Variants in LTB4R observed in about 807,000 individuals in gnomAD.
The protein encoded by LTB4R is leukotriene B4 receptor.
For synonymous variants in LTB4R, 250 were observed against 230.7 expected (o/e 1.08, Z -0.76); for missense variants, 470 against 485.6 (o/e 0.97, Z 0.30).
chr14:24,316,975 G>C lies in LTB4R; in HGVS notation c.*265G>C, dbSNP rs1445339009. The C allele has an allele frequency of 5.4e-6, 2 of 369,228 alleles. No individual in the cohort carries two copies. Among genetic ancestry groups the C allele is most frequent in the Non-Finnish European group, 1.0e-5 (2 of 196,594 alleles). The allele number at this position is 369,228 out of a possible 1,614,324, so 22.9% of individuals were successfully genotyped here. A position where few individuals can be genotyped will look rare whatever the true frequency, so the allele number is the denominator to read the frequency against. ...TGTGAGTGGGGTACATGTGCTGTGG[G>C]TATCGGGGTGCTCGTGGGCGCCCTG... On this transcript the variant is annotated 3_prime_UTR_variant, in exon 2 of 2. Transcript: ENST00000345363.
chr14:24,316,308 C>G lies in LTB4R; in HGVS notation c.657C>G (p.Thr219=). Residue 219 remains threonine, a synonymous_variant, in exon 2 of 2, where the codon ACC becomes ACG. Coordinates refer to ENST00000345363, the MANE Select transcript of LTB4R (RefSeq NM_001143919.3). ...QARRFRRSRR[T]GRLVVLIILT... ...GGCGCTTCCGCCGCAGCCGCCGCAC[C>G]GGCCGCCTGGTGGTGCTCATCATCC... The G allele has an allele frequency of 1.2e-6, 2 of 1,602,082 alleles. No homozygotes were observed. The highest frequency in any genetic ancestry group is 1.7e-6 in the Non-Finnish European group (2 of 1,175,728).
At position 24,317,617 on chromosome 14, in the gene LTB4R, C is replaced by A. The variant is rs954200121; in HGVS notation, c.*907C>A. 1 of 166,884 alleles carries A rather than the reference C, an allele frequency of 6.0e-6. No individual in the cohort carries two copies. Among genetic ancestry groups the A allele is most frequent in the East Asian group, 1.9e-4 (1 of 5,200 alleles). 10.3% of individuals were successfully genotyped at this position (166,884 alleles called of 1,614,324 possible). The stretch of plus-strand genomic sequence containing the variant: ...TGGCAACAACAGTGGCAGCAGTGTA[C>A]TTTTTGGATCTTTCTCATAAAAAAA... On this transcript the variant is annotated 3_prime_UTR_variant, in exon 2 of 2. Transcript: ENST00000345363.
chr14:24,315,837 G>C lies in LTB4R; in HGVS notation c.186G>C (p.Leu62=), dbSNP rs1400598429. 6.2e-7 allele frequency: 1 copy of C among 1,614,232 alleles called. No homozygotes were observed. The highest frequency in any genetic ancestry group is 2.2e-5 in the East Asian group (1 of 44,884). Residue 62 remains leucine (L), a synonymous_variant, in exon 2 of 2, where the codon CTG becomes CTC. Transcript: ENST00000345363. Reference sequence around the variant, plus strand: ...CCCTGATGGTGCTGAACCTGGCCCTGGCCGACCTGGCCGTATTGCTCACTG... The same window carrying C: ...CCCTGATGGTGCTGAACCTGGCCCTCGCCGACCTGGCCGTATTGCTCACTG... ...VTALMVLNLA[L]ADLAVLLTAP...
In LTB4R at chr14:24,315,647, C is replaced by A. The variant is rs200157913; in HGVS notation, c.-5C>A. 9.2e-4 allele frequency: 1,474 copies of A among 1,610,084 alleles called. 16 individuals carry two copies. The South Asian group carries it at 0.012, about 13-fold the overall frequency. ...GCCCTCACTCTCCAGGTCCTCCCGA[C>A]GGCCATGAACACTACATCTTCTGCA... On this transcript the variant is annotated 5_prime_UTR_variant, in exon 2 of 2. Coordinates refer to ENST00000345363, the MANE Select transcript of LTB4R (RefSeq NM_001143919.3).
rs749567862 is a variant in LTB4R, at chr14:24,315,709, C to A, written c.58C>A (p.Leu20Met). The A allele has an allele frequency of 1.4e-5, 22 of 1,614,096 alleles. No individual in the cohort carries two copies. The highest frequency in any genetic ancestry group is 1.9e-5 in the Non-Finnish European group (22 of 1,180,040). Residue 20 changes from leucine to methionine, a missense_variant, in exon 2 of 2, where the codon CTG (leucine) becomes ATG (methionine). Physicochemically the swap from Leu to Met is conservative, Grantham distance 15. Coordinates refer to ENST00000345363, the MANE Select transcript of LTB4R (RefSeq NM_001143919.3). ...ACTAGGTGTAGAGTTCATCTCTCTG[C>A]TGGCTATCATCCTGCTGTCAGTGGC... is the stretch of plus-strand genomic sequence containing the variant. ...PSLGVEFISL[L>M]AIILLSVALA... is the part of the protein sequence containing the mutation.
chr14:24,312,521 CTCAG>C (rs2041726826), intron 1 of LTB4R, among the ~76,000 whole-genome samples: 1 of 152,202 alleles, frequency 6.6e-6, no homozygotes. Flanking sequence ...GGAGCAAGCA[CTCAG>C]TCAGGGAAGT....
Position 24,315,648 on chromosome 14 carries a change from G to A in LTB4R, c.-4G>A, listed in dbSNP as rs35403650. ...CCCTCACTCTCCAGGTCCTCCCGACGGCCATGAACACTACATCTTCTGCAG... is the reference window on the plus strand; with the variant it reads ...CCCTCACTCTCCAGGTCCTCCCGACAGCCATGAACACTACATCTTCTGCAG... On this transcript the variant is annotated 5_prime_UTR_variant, in exon 2 of 2. Transcript: ENST00000345363. The A allele has an allele frequency of 3.1e-6, 5 of 1,610,910 alleles. No individual in the cohort carries two copies. Among genetic ancestry groups the A allele is most frequent in the Admixed American group, 1.7e-5 (1 of 59,926 alleles).
chr14:24,313,089 G>A (rs1235380119), intron 1 of LTB4R, among the ~76,000 whole-genome samples: 1 of 152,166 alleles, frequency 6.6e-6, no homozygotes, highest in Non-Finnish European at 1.5e-5. Context: ...AGAACAGCAG[G>A]GAGTATGCTT....
intron 1 of LTB4R, among the ~76,000 whole-genome samples, chr14:24,312,751 TTTGA>T (rs777045489): frequency 9.2e-5 from 14 of 152,210 alleles, no homozygotes; most frequent in Admixed American, 1.3e-4. Context: ...TCCTGACCCC[TTTGA>T]TTGGGGGATG....
Position 24,317,889 on chromosome 14 carries a change from G to T in LTB4R, c.*1179G>T, listed in dbSNP as rs1029011279. On this transcript the variant is annotated 3_prime_UTR_variant, in exon 2 of 2. Transcript: ENST00000345363. ...CTACAGATCCTTACTGGAAGGTATG[G>T]TGCACCAATTTGAGAACAGCAGCTG... 1.7e-5 allele frequency: 3 copies of T among 179,050 alleles called. No homozygotes were observed. The highest frequency in any genetic ancestry group is 1.5e-4 in the South Asian group (1 of 6,740). The allele number at this position is 179,050 out of a possible 1,614,324, so 11.1% of individuals were successfully genotyped here.
At position 24,311,642 on chromosome 14, in the gene LTB4R, G is replaced by A. The variant is rs1469111567; in HGVS notation, c.-178G>A. 3 of 1,613,356 alleles carry A rather than the reference G, an allele frequency of 1.9e-6. No individual in the cohort carries two copies. In the South Asian group the frequency reaches 3.3e-5, roughly 18 times the overall value. Reference sequence around the variant, plus strand: ...GCCGCTCTAGGGAAGGGACCATGGAGCTCCGAACTACCCCTCAGCTGAAAG... The same window carrying A: ...GCCGCTCTAGGGAAGGGACCATGGAACTCCGAACTACCCCTCAGCTGAAAG... On this transcript the variant is annotated 5_prime_UTR_variant, in exon 1 of 2. Transcript: ENST00000345363.
intron 1 of LTB4R, chr14:24,313,614 C>T (rs1471932073): frequency 6.9e-6 from 1 of 144,608 alleles, no homozygotes; most frequent in Non-Finnish European, 1.5e-5. Flanking sequence ...GAGATGGAGT[C>T]TCGCTCTGTC....
intron 1 of LTB4R, among the ~76,000 whole-genome samples, chr14:24,312,566 G>T (rs78031017): frequency 0.011 from 1,675 of 152,278 alleles, 27 homozygotes; most frequent in Non-Finnish European, 0.016. Flanking sequence ...TATGAGGAAT[G>T]GCAGGAATAT....
chr14:24,313,073 T>C (rs548945746), intron 1 of LTB4R, among the ~76,000 whole-genome samples: 1 of 152,220 alleles, frequency 6.6e-6, no homozygotes, highest in African/African-American at 2.4e-5. Context: ...CTAGCACCTG[T>C]GAACTAGAAC....
Position 24,316,022 on chromosome 14 carries a change from T to C in LTB4R, c.371T>C (p.Val124Ala), listed in dbSNP as rs1566426972. 6.2e-7 allele frequency: 1 copy of C among 1,613,890 alleles called. No individual in the cohort carries two copies. Among genetic ancestry groups the C allele is most frequent in the East Asian group, 2.2e-5 (1 of 44,888 alleles). ...TCACTGGCGGTGGCCCGCCCCTTTGTGTCCCAGAAGCTACGCACCAAGGCG... is the reference window on the plus strand; with the variant it reads ...TCACTGGCGGTGGCCCGCCCCTTTGCGTCCCAGAAGCTACGCACCAAGGCG... Reference protein sequence around the residue: ...DRSLAVARPFVSQKLRTKAMA... With the variant: ...DRSLAVARPFASQKLRTKAMA... The change falls in exon 2 of 2, where the codon GTG (valine) becomes GCG (alanine). Residue 124 changes from valine to alanine, a missense_variant. Val to Ala is a moderately conservative substitution (Grantham distance 64). Transcript: ENST00000345363.
Position 24,315,859 on chromosome 14 carries a change from A to G in LTB4R, c.208A>G (p.Thr70Ala). The change falls in exon 2 of 2, where the codon ACT becomes GCT. Residue 70 changes from threonine to alanine, a missense_variant. Physicochemically the swap from Thr to Ala is moderately conservative, Grantham distance 58. Coordinates refer to ENST00000345363, the MANE Select transcript of LTB4R (RefSeq NM_001143919.3). ...LALADLAVLL[T>A]APFFLHFLAQ... ...CCTGGCCGACCTGGCCGTATTGCTC[A>G]CTGCTCCCTTTTTCCTTCACTTCCT... 6.2e-7 allele frequency: 1 copy of G among 1,614,188 alleles called. No homozygotes were observed. The highest frequency in any genetic ancestry group is 8.5e-7 in the Non-Finnish European group (1 of 1,180,014).
At position 24,317,090 on chromosome 14, in the gene LTB4R, C is replaced by A; in HGVS notation, c.*380C>A. On this transcript the variant is annotated 3_prime_UTR_variant, in exon 2 of 2. Transcript: ENST00000345363. ...GGGACACAAAGAAACATAGACTTCC[C>A]CCATCCCAGATGATTCCGAGTACAT... 5.0e-6 allele frequency: 1 copy of A among 198,184 alleles called. No individual in the cohort carries two copies. Among genetic ancestry groups the A allele is most frequent in the Non-Finnish European group, 1.1e-5 (1 of 88,378 alleles). The allele number at this position is 198,184 out of a possible 1,614,324, so 12.3% of individuals were successfully genotyped here.
At position 24,315,798 on chromosome 14, in the gene LTB4R, G is replaced by T; in HGVS notation, c.147G>T (p.Lys49Asn). 1.2e-6 allele frequency: 2 copies of T among 1,614,264 alleles called. No individual in the cohort carries two copies. The highest frequency in any genetic ancestry group is 1.7e-6 in the Non-Finnish European group (2 of 1,180,050). Residue 49 changes from lysine to asparagine, a missense_variant, in exon 2 of 2, where the codon AAG (lysine) becomes AAT (asparagine). By Grantham distance (94) the Lys-to-Asn change is moderately conservative. Coordinates refer to ENST00000345363, the MANE Select transcript of LTB4R (RefSeq NM_001143919.3). Reference sequence around the variant, plus strand: ...GGAGTATCCTGAAAAGGATGCAGAAGCGCTCTGTCACTGCCCTGATGGTGC... The same window carrying T: ...GGAGTATCCTGAAAAGGATGCAGAATCGCTCTGTCACTGCCCTGATGGTGC... ...VVWSILKRMQKRSVTALMVLN... is the reference protein window; with the variant it reads ...VVWSILKRMQNRSVTALMVLN...
Position 24,315,623 on chromosome 14 carries a change from C to G in LTB4R, c.-15-14C>G. 8.3e-6 allele frequency: 13 copies of G among 1,563,464 alleles called. No homozygotes were observed. Among genetic ancestry groups the G allele is most frequent in the Non-Finnish European group, 1.1e-5 (13 of 1,138,956 alleles). Reference sequence around the variant, plus strand: ...TCCTCTACTCTCATGCGTGTGTCCGCCCTCACTCTCCAGGTCCTCCCGACG... The same window carrying G: ...TCCTCTACTCTCATGCGTGTGTCCGGCCTCACTCTCCAGGTCCTCCCGACG... On this transcript the variant is annotated splice_polypyrimidine_tract_variant and intron_variant, in intron 1 of 1. Transcript: ENST00000345363.
Sources: allele counts gnomAD v4.1 joint callset (sites outside exome capture counted in the v4.1 genomes callset), GRCh38; gene constraint gnomAD v4.1.1; transcripts MANE v1.5; gene names NCBI Gene and HGNC (gene_info 2026-07-23, HGNC 2026-07-21).